Variants in PTPRG observed in about 807,000 individuals in gnomAD.
PTPRG encodes protein tyrosine phosphatase receptor type G.
PTPRG carries 102 observed loss-of-function variants against 165.3 expected under a neutral mutation model. That is an observed-to-expected ratio of 0.62 (90% CI 0.53 to 0.73). PTPRG has a LOEUF of 0.73. Among genes scored for constraint, PTPRG ranks in the 30% least tolerant of loss-of-function variants. PTPRG has a pLI of 0.00. For missense variants in PTPRG, 1,866 were observed against 1,861.4 expected, an observed-to-expected ratio of 1.00 and a Z score of -0.05; for synonymous variants, 675 against 669.5, an observed-to-expected ratio of 1.01 and a Z score of -0.13.
chr3:62,085,631 C>T (rs1701727657), intron 5 of PTPRG, among the ~76,000 whole-genome samples: 1 of 152,130 alleles, frequency 6.6e-6, no homozygotes, highest in Non-Finnish European at 1.5e-5. Flanking sequence ...GAGTTAGCTT[C>T]TGTGTGTTTT....
chr3:62,179,532 G>A (rs551307857), intron 8 of PTPRG, among the ~76,000 whole-genome samples: 10 of 152,202 alleles, frequency 6.6e-5, no homozygotes, highest in African/African-American at 9.7e-5. Flanking sequence ...GAGCCTTCTC[G>A]CTGAGGAGTG....
chr3:62,191,488 C>G lies in PTPRG; in HGVS notation c.1053C>G (p.Ile351Met). ...EASKVCSSPP[I>M]HMKVQPLNQT... ...CTTCAGTTTGCAGCTCTCCACCCAT[C>G]CACATGAAGGTGCAGCCTCTGAACC... The change falls in exon 9 of 30, where the codon ATC becomes ATG. Residue 351 changes from isoleucine to methionine, a missense_variant. By Grantham distance (10) the Ile-to-Met change is conservative. Coordinates refer to ENST00000474889, the MANE Select transcript of PTPRG (RefSeq NM_002841.4). 2 of 1,614,004 alleles carry G rather than the reference C, an allele frequency of 1.2e-6. No individual in the cohort carries two copies. Among genetic ancestry groups the G allele is most frequent in the Non-Finnish European group, 1.7e-6 (2 of 1,179,984 alleles).
intron 2 of PTPRG, among the ~76,000 whole-genome samples, chr3:61,985,888 C>A (rs2040747423): frequency 6.6e-6 from 1 of 152,148 alleles, no homozygotes; most frequent in African/African-American, 2.4e-5. Context: ...CACATGGATT[C>A]TTTCATGGAC....
At chr3:62,024,607 C>G (rs907536031) in intron 4 of PTPRG, among the ~76,000 whole-genome samples, 15 of 152,162 alleles carry the variant, frequency 9.9e-5, no homozygotes, top group East Asian at 1.9e-4. Context: ...GGTAAAGTTT[C>G]CAGTTTATTC....
chr3:61,762,643 A>G (rs1363811542), intron 2 of PTPRG, among the ~76,000 whole-genome samples: 1 of 152,148 alleles, frequency 6.6e-6, no homozygotes, highest in Non-Finnish European at 1.5e-5. Flanking sequence ...ATAGCTAGCA[A>G]TATTACTAGG....
At chr3:61,936,753 G>A (rs1174910964) in intron 2 of PTPRG, among the ~76,000 whole-genome samples, 4 of 152,196 alleles carry the variant, frequency 2.6e-5, no homozygotes, top group Non-Finnish European at 5.9e-5. Context: ...CGTTTTGGAT[G>A]TGGAAATTGT....
Position 61,707,727 on chromosome 3 carries a change from G to A in PTPRG, c.86-41151G>A, listed in dbSNP as rs200660558. On this transcript the variant is annotated intron_variant, in intron 1 of 29. Transcript: ENST00000474889. ...CCAAATATCTGGGCACCTTGGCCCA[G>A]TCAAGTTGACACATAAACTTTACCG... is the stretch of plus-strand genomic sequence containing the variant. 5.9e-5 allele frequency among the ~76,000 whole-genome samples: 9 copies of A among 152,318 alleles called. No homozygotes were observed. In the East Asian group the frequency reaches 1.7e-3, roughly 29 times the overall value.
At chr3:61,653,901 G>GA (rs1559541931) in intron 1 of PTPRG, among the ~76,000 whole-genome samples, 5 of 107,782 alleles carry the variant, frequency 4.6e-5, no homozygotes, top group Middle Eastern at 4.3e-3. Context: ...GGGAGCGGTG[G>GA]GGGGCGCGGG....
chr3:62,025,178 G>C (rs2041778572), intron 4 of PTPRG, among the ~76,000 whole-genome samples: 1 of 152,170 alleles, frequency 6.6e-6, no homozygotes, highest in Non-Finnish European at 1.5e-5. Context: ...TGGTGTCTTA[G>C]CTGTCACTAC....
chr3:61,898,122 T>A (rs2038409555), intron 2 of PTPRG, among the ~76,000 whole-genome samples: 1 of 152,242 alleles, frequency 6.6e-6, no homozygotes, highest in South Asian at 2.1e-4. Context: ...ATCCTTGCCT[T>A]GTTCCCAATC....
intron 2 of PTPRG, among the ~76,000 whole-genome samples, chr3:61,911,402 A>G (rs1309486918): frequency 6.6e-6 from 1 of 152,194 alleles, no homozygotes; most frequent in Admixed American, 6.5e-5. Flanking sequence ...TTGGCTTCCT[A>G]TGTTATTTTT....
At chr3:61,823,722 A>G (rs1019133499) in intron 2 of PTPRG, among the ~76,000 whole-genome samples, 1 of 152,236 alleles carries the variant, frequency 6.6e-6, no homozygotes, top group African/African-American at 2.4e-5. Flanking sequence ...GTTTAAGTTC[A>G]CATGGATTTA....
At chr3:62,023,013 T>C (rs1400464313) in intron 4 of PTPRG, among the ~76,000 whole-genome samples, 7 of 152,074 alleles carry the variant, frequency 4.6e-5, no homozygotes, top group Non-Finnish European at 8.8e-5. Flanking sequence ...CAAAACAAAA[T>C]TAAGAAAATA....
intron 2 of PTPRG, among the ~76,000 whole-genome samples, chr3:61,925,736 C>CT (rs111226192): frequency 1.4e-3 from 181 of 133,774 alleles, no homozygotes; most frequent in African/African-American, 4.7e-3. Context: ...GAATGAGACT[C>CT]TATCTTTAAA....
intron 1 of PTPRG, among the ~76,000 whole-genome samples, chr3:61,665,467 AATAC>A (rs1465096702): frequency 1.3e-5 from 1 of 79,644 alleles, no homozygotes; most frequent in African/African-American, 6.2e-5. Flanking sequence ...ATTGTAAATA[AATAC>A]ACACACACAC....
intron 17 of PTPRG, among the ~76,000 whole-genome samples, chr3:62,267,177 G>T (rs752904123): frequency 6.6e-6 from 1 of 152,012 alleles, no homozygotes; most frequent in African/African-American, 2.4e-5. Context: ...AAATACAGAG[G>T]ACTACAATTT....
At chr3:61,588,801 C>T (rs1254557638) in intron 1 of PTPRG, among the ~76,000 whole-genome samples, 1 of 152,190 alleles carries the variant, frequency 6.6e-6, no homozygotes, top group African/African-American at 2.4e-5. Flanking sequence ...TATATACACA[C>T]ACATACTCAT....
intron 4 of PTPRG, among the ~76,000 whole-genome samples, chr3:62,062,075 G>A (rs1448071189): frequency 6.6e-6 from 1 of 151,926 alleles, no homozygotes; most frequent in Non-Finnish European, 1.5e-5. Context: ...CGAGGCAGGT[G>A]GATCACCTGA....
intron 2 of PTPRG, among the ~76,000 whole-genome samples, chr3:61,950,808 T>C (rs568586738): frequency 1.3e-5 from 2 of 152,364 alleles, no homozygotes; most frequent in South Asian, 4.1e-4. Context: ...AAATTATTAA[T>C]GTAAAGTCAA....
Sources: gnomAD v4.1 joint callset for allele counts (sites outside exome capture counted in the v4.1 genomes callset) on GRCh38, gnomAD v4.1.1 for gene constraint, MANE v1.5 for transcripts, NCBI Gene and HGNC (gene_info 2026-07-23, HGNC 2026-07-21) for gene names.